RAB28: variants seen among roughly 807,000 people sequenced by gnomAD.
The protein encoded by RAB28 is ras-related protein Rab-28.
Under a neutral mutation model 31.7 loss-of-function variants are expected in RAB28, and 24 were observed. The ratio of observed to expected loss-of-function variants is 0.76; its 90% CI spans 0.55 to 1.06. RAB28 has a LOEUF of 1.06. Ranked by LOEUF, RAB28 falls within the 50% of genes least tolerant of loss-of-function variation. RAB28 has a pLI of 0.00. For missense variants in RAB28, 254 were observed against 258.5 expected, an observed-to-expected ratio of 0.98 and a Z score of 0.12; for synonymous variants, 100 against 90.4, an observed-to-expected ratio of 1.11 and a Z score of -0.60.
At chr4:13,444,358 A>T (rs1299664844) in intron 4 of RAB28, among the ~76,000 whole-genome samples, 2 of 151,994 alleles carry the variant, frequency 1.3e-5, no homozygotes, top group African/African-American at 4.8e-5. Context: ...GCTGAATAGT[A>T]TTCGTGTGCG....
intron 4 of RAB28, among the ~76,000 whole-genome samples, chr4:13,446,738 A>C (rs1714718459): frequency 6.6e-6 from 1 of 150,916 alleles, no homozygotes; most frequent in Non-Finnish European, 1.5e-5. Flanking sequence ...TGCGGAAATC[A>C]CCCACCTTCT....
intron 3 of RAB28, among the ~76,000 whole-genome samples, chr4:13,467,306 C>T (rs537718010): frequency 1.3e-5 from 2 of 151,174 alleles, no homozygotes; most frequent in Admixed American, 1.3e-4. Context: ...TTATAAACTT[C>T]CAGTTTACAA....
intron 4 of RAB28, among the ~76,000 whole-genome samples, chr4:13,449,065 A>C (rs1014791751): frequency 1.3e-5 from 2 of 152,010 alleles, no homozygotes; most frequent in Non-Finnish European, 2.9e-5. Context: ...GTTTTAGCTT[A>C]AAATGTATAA....
chr4:13,405,350 A>C (rs1271210750), intron 4 of RAB28, among the ~76,000 whole-genome samples: 2 of 152,220 alleles, frequency 1.3e-5, no homozygotes, highest in African/African-American at 4.8e-5. Context: ...CAATAAACAT[A>C]CGAGTTGATA....
At position 13,385,270 on chromosome 4, in the gene RAB28, AC is replaced by A. The variant is rs1729316831; in HGVS notation, c.392-3677del. On this transcript the variant is annotated intron_variant, in intron 4 of 6. Coordinates refer to ENST00000330852, the MANE Select transcript of RAB28 (RefSeq NM_001017979.3). ...ATGGGGAGATTGGAAGCAAATTGGAACACATATTTCAAGATATCATCCATGA... is the reference window on the plus strand; with the variant it reads ...ATGGGGAGATTGGAAGCAAATTGGAAACATATTTCAAGATATCATCCATGA... Among the ~76,000 whole-genome samples the A allele has an allele frequency of 2.6e-5, 4 of 152,322 alleles. No homozygotes were observed. In the South Asian group the frequency reaches 8.3e-4, roughly 32 times the overall value.
chr4:13,468,694 GAAGA>G (rs1263193141), intron 3 of RAB28, among the ~76,000 whole-genome samples: 1 of 150,356 alleles, frequency 6.7e-6, no homozygotes, highest in Non-Finnish European at 1.5e-5. Flanking sequence ...AAAGCGAGTA[GAAGA>G]AAGTAATTAA....
chr4:13,437,297 G>C (rs1714177014), intron 4 of RAB28, among the ~76,000 whole-genome samples: 1 of 151,952 alleles, frequency 6.6e-6, no homozygotes, highest in Non-Finnish European at 1.5e-5. Flanking sequence ...CCTGAACATT[G>C]GCATAGGCAA....
At chr4:13,377,094 T>C (rs1006722208) in intron 5 of RAB28, among the ~76,000 whole-genome samples, 3 of 152,214 alleles carry the variant, frequency 2.0e-5, no homozygotes, top group African/African-American at 7.2e-5. Context: ...GCCTTTCATA[T>C]CATTCCAGCA....
intron 6 of RAB28, chr4:13,371,648 C>G (rs1728717634): frequency 2.7e-6 from 4 of 1,461,526 alleles, no homozygotes; most frequent in Admixed American, 2.6e-5. Context: ...AACCAAGGCT[C>G]TGCAGATTCC....
chr4:13,368,672 T>C (rs1577142520), intron 6 of RAB28, 22 bp from the exon 7 acceptor site: 1 of 1,583,536 alleles, frequency 6.3e-7, no homozygotes, highest in East Asian at 2.3e-5. Flanking sequence ...GAAAACAGAG[T>C]TATTATCAGG....
At chr4:13,386,900 A>G (rs1400403026) in intron 4 of RAB28, among the ~76,000 whole-genome samples, 1 of 152,128 alleles carries the variant, frequency 6.6e-6, no homozygotes, top group Non-Finnish European at 1.5e-5. Context: ...TATGCACCAT[A>G]GAATACTATA....
chr4:13,402,883 C>G (rs961523787), intron 4 of RAB28, among the ~76,000 whole-genome samples: 1 of 152,124 alleles, frequency 6.6e-6, no homozygotes, highest in East Asian at 1.9e-4. Context: ...CAGCCTTTGC[C>G]TCCCAGTCTC....
chr4:13,379,205 CAAAAAAAA>C (rs34341516), intron 5 of RAB28, among the ~76,000 whole-genome samples: 2 of 57,964 alleles, frequency 3.5e-5, no homozygotes, highest in African/African-American at 1.2e-4. Flanking sequence ...AACTCTGTCT[CAAAAAAAA>C]AAAAAAAAAA....
intron 4 of RAB28, among the ~76,000 whole-genome samples, chr4:13,406,822 T>C (rs1381064758): frequency 6.6e-6 from 1 of 152,264 alleles, no homozygotes; most frequent in Non-Finnish European, 1.5e-5. Context: ...TCTGTTTATA[T>C]CCTTTGCCCA....
intron 4 of RAB28, among the ~76,000 whole-genome samples, chr4:13,394,530 G>A (rs1488139490): frequency 1.3e-5 from 2 of 152,084 alleles, no homozygotes; most frequent in East Asian, 1.9e-4. Context: ...AGCAGTCCAT[G>A]GCCCAGGGGT....
intron 4 of RAB28, among the ~76,000 whole-genome samples, chr4:13,426,375 G>C (rs935873936): frequency 1.3e-5 from 2 of 151,898 alleles, no homozygotes; most frequent in Admixed American, 6.6e-5. Context: ...GACCATGAAG[G>C]GACAACTTGA....
chr4:13,446,038 A>T (rs944869269), intron 4 of RAB28, among the ~76,000 whole-genome samples: 3 of 152,102 alleles, frequency 2.0e-5, no homozygotes, highest in African/African-American at 7.2e-5. Context: ...CCCTGAATGG[A>T]GCTGCTGGAT....
At chr4:13,484,032 G>A in intron 1 of RAB28, 44 bp downstream of exon 1, 1 of 1,540,220 alleles carries the variant, frequency 6.5e-7, no homozygotes, top group Non-Finnish European at 8.8e-7. Flanking sequence ...GGGACCGCCG[G>A]GGTTCCTGCA....
chr4:13,449,890 C>G (rs1239227042), intron 4 of RAB28, among the ~76,000 whole-genome samples: 4 of 151,738 alleles, frequency 2.6e-5, no homozygotes, highest in Non-Finnish European at 5.9e-5. Flanking sequence ...TGTTTATAAT[C>G]TATCCAACTG....
Sources: allele counts gnomAD v4.1 joint callset (sites outside exome capture counted in the v4.1 genomes callset), GRCh38; gene constraint gnomAD v4.1.1; transcripts MANE v1.5; gene names NCBI Gene and HGNC (gene_info 2026-07-23, HGNC 2026-07-21).